GRIA1: variants seen among roughly 807,000 people sequenced by gnomAD.
GRIA1 encodes the protein glutamate ionotropic receptor AMPA type subunit 1.
A neutral mutation model predicts 99.2 loss-of-function variants in GRIA1; 31 were observed. The ratio of observed to expected loss-of-function variants is 0.31; its 90% CI spans 0.23 to 0.42. GRIA1 has a LOEUF of 0.42. Among genes scored for constraint, GRIA1 ranks in the 10% least tolerant of loss-of-function variants. GRIA1 has a pLI of 1.00. For synonymous variants in GRIA1, 438 were observed against 432.4 expected, an observed-to-expected ratio of 1.01 and a Z score of -0.16; for missense variants, 782 against 1,157.5, an observed-to-expected ratio of 0.68 and a Z score of 4.71.
intron 2 of GRIA1, among the ~76,000 whole-genome samples, chr5:153,602,639 C>CA (rs1765084048): frequency 6.6e-6 from 1 of 152,006 alleles, no homozygotes; most frequent in Non-Finnish European, 1.5e-5. Context: ...ATGATGAAGC[C>CA]AAAAAAGATA....
At chr5:153,779,750 C>T (rs974842902) in intron 13 of GRIA1, among the ~76,000 whole-genome samples, 3 of 152,058 alleles carry the variant, frequency 2.0e-5, no homozygotes, top group South Asian at 2.1e-4. Flanking sequence ...TTAGTAAAGA[C>T]GGGATTTCAC....
At chr5:153,775,328 C>T (rs987175373) in intron 13 of GRIA1, among the ~76,000 whole-genome samples, 3 of 152,210 alleles carry the variant, frequency 2.0e-5, no homozygotes, top group South Asian at 4.1e-4. Flanking sequence ...AGGAGTTTAA[C>T]GGATTTGCTA....
intron 8 of GRIA1, among the ~76,000 whole-genome samples, chr5:153,693,466 G>A (rs937294507): frequency 1.3e-5 from 2 of 152,076 alleles, no homozygotes; most frequent in African/African-American, 4.8e-5. Context: ...ATTTTTTGAG[G>A]TAAGGGGCTG....
chr5:153,715,944 C>A (rs1357687135), intron 11 of GRIA1, among the ~76,000 whole-genome samples: 1 of 152,144 alleles, frequency 6.6e-6, no homozygotes, highest in African/African-American at 2.4e-5. Context: ...TAACACAGGG[C>A]AACTCAGTCC....
At chr5:153,502,533 T>A (rs1755103828) in intron 2 of GRIA1, among the ~76,000 whole-genome samples, 1 of 152,212 alleles carries the variant, frequency 6.6e-6, no homozygotes, top group African/African-American at 2.4e-5. Context: ...TGAGGGGTCC[T>A]AAATAAGGTA....
At chr5:153,800,935 C>T (rs1390588459) in intron 14 of GRIA1, among the ~76,000 whole-genome samples, 1 of 152,230 alleles carries the variant, frequency 6.6e-6, no homozygotes, top group Non-Finnish European at 1.5e-5. Context: ...AGGCCACATC[C>T]TATCCTATGC....
intron 2 of GRIA1, among the ~76,000 whole-genome samples, chr5:153,540,145 C>A (rs915771222): frequency 1.3e-5 from 2 of 152,200 alleles, no homozygotes; most frequent in Non-Finnish European, 2.9e-5. Context: ...TGGAGACGAG[C>A]CAGAGCTGCC....
At chr5:153,674,067 A>T (rs941658717) in intron 5 of GRIA1, among the ~76,000 whole-genome samples, 1 of 152,238 alleles carries the variant, frequency 6.6e-6, no homozygotes, top group Non-Finnish European at 1.5e-5. Flanking sequence ...AGACGAGATT[A>T]TTCCCTCCTT....
chr5:153,722,871 T>C (rs1231779190), intron 11 of GRIA1, among the ~76,000 whole-genome samples: 1 of 152,208 alleles, frequency 6.6e-6, no homozygotes, highest in Non-Finnish European at 1.5e-5. Context: ...GCAATGATTG[T>C]GGCTTTTCTC....
At chr5:153,565,022 CAA>C (rs148309616) in intron 2 of GRIA1, among the ~76,000 whole-genome samples, 3,026 of 152,196 alleles carry the variant, frequency 0.02, 104 homozygotes, top group African/African-American at 0.068. Context: ...CACAACAACC[CAA>C]AGTTATAATT....
At chr5:153,707,966 C>T (rs957773391) in intron 11 of GRIA1, among the ~76,000 whole-genome samples, 3 of 152,108 alleles carry the variant, frequency 2.0e-5, no homozygotes, top group Non-Finnish European at 4.4e-5. Context: ...TGGGAAGAAA[C>T]AATTCCTAAC....
chr5:153,650,166 T>C (rs1474430088), intron 3 of GRIA1, among the ~76,000 whole-genome samples, 164 bp from the exon 4 acceptor site: 1 of 152,204 alleles, frequency 6.6e-6, no homozygotes, highest in Non-Finnish European at 1.5e-5. Flanking sequence ...ACACAGTGTC[T>C]GATCTCACAG....
intron 5 of GRIA1, among the ~76,000 whole-genome samples, chr5:153,672,738 T>C (rs759460925): frequency 2.0e-5 from 3 of 152,218 alleles, no homozygotes; most frequent in Non-Finnish European, 2.9e-5. Flanking sequence ...CTGGGACCGC[T>C]GCTCTAATTC....
At chr5:153,794,578 C>T in intron 13 of GRIA1, 43 bp from the exon 14 acceptor site, 1 of 1,297,180 alleles carries the variant, frequency 7.7e-7, no homozygotes, top group Non-Finnish European at 1.1e-6. Context: ...GCTGAGTGTT[C>T]TCCACCTGTT....
chr5:153,736,976 G>T (rs1170383933), intron 11 of GRIA1, among the ~76,000 whole-genome samples: 1 of 152,084 alleles, frequency 6.6e-6, no homozygotes, highest in Non-Finnish European at 1.5e-5. Context: ...CAAATATTGG[G>T]ATCATTAGAG....
At chr5:153,573,121 A>C (rs956166498) in intron 2 of GRIA1, 1 of 152,174 alleles carries the variant, frequency 6.6e-6, no homozygotes, top group Non-Finnish European at 1.5e-5. Context: ...ACATCTCCTC[A>C]TTTGTGATTT....
chr5:153,617,644 C>T (rs1323431936), intron 2 of GRIA1, among the ~76,000 whole-genome samples: 2 of 152,136 alleles, frequency 1.3e-5, no homozygotes, highest in South Asian at 2.1e-4. Flanking sequence ...TTGATTTAGC[C>T]ACCTACTTTC....
At chr5:153,753,348 T>C (rs192922194) in intron 11 of GRIA1, among the ~76,000 whole-genome samples, 165 of 152,302 alleles carry the variant, frequency 1.1e-3, no homozygotes, top group African/African-American at 3.7e-3. Context: ...TGACCAAAGG[T>C]TCCGCTGGGC....
In GRIA1 at chr5:153,784,345, ACT is replaced by A. The variant is rs1435972151; in HGVS notation, c.2271-10273_2271-10272del. Among the ~76,000 whole-genome samples the A allele has an allele frequency of 8.6e-5, 13 of 151,946 alleles. No homozygotes were observed. In the East Asian group the frequency reaches 1.9e-3, roughly 23 times the overall value. On this transcript the variant is annotated intron_variant, in intron 13 of 15. Coordinates refer to ENST00000285900, the MANE Select transcript of GRIA1 (RefSeq NM_000827.4). ...TGAGGTACTCAAATCACGCCTTCAG[ACT>A]CTTTCCTCCACCCAGCATGGAGTGA...
Sources: gnomAD v4.1 joint callset for allele counts (sites outside exome capture counted in the v4.1 genomes callset) on GRCh38, gnomAD v4.1.1 for gene constraint, MANE v1.5 for transcripts, NCBI Gene and HGNC (gene_info 2026-07-23, HGNC 2026-07-21) for gene names.